Variants in PDE4D observed in about 807,000 individuals in gnomAD.
PDE4D encodes the protein 3',5'-cyclic-AMP phosphodiesterase 4D.
In PDE4D, 24 loss-of-function variants were observed where a neutral mutation model predicts 87.4. That is an observed-to-expected ratio of 0.27 (90% CI 0.20 to 0.39). PDE4D has a LOEUF of 0.39. PDE4D is among the 10% of genes least tolerant of loss of function. PDE4D has a pLI of 1.00. For synonymous variants in PDE4D, 384 were observed against 383.2 expected (o/e 1.00, Z -0.02); for missense variants, 714 against 1,041.0 (o/e 0.69, Z 4.32).
intron 1 of PDE4D, among the ~76,000 whole-genome samples, chr5:59,254,606 TTTC>T (rs1198301004): frequency 2.0e-5 from 3 of 151,996 alleles, no homozygotes; most frequent in African/African-American, 4.8e-5. Context: ...GGAAAATACA[TTTC>T]TTCTTCTTCT....
chr5:59,107,294 C>T (rs753825577), intron 5 of PDE4D, among the ~76,000 whole-genome samples: 3 of 152,120 alleles, frequency 2.0e-5, no homozygotes, highest in Non-Finnish European at 2.9e-5. Context: ...TCGCAACATC[C>T]GCCTCCCAGG....
chr5:60,379,487 G>C lies in PDE4D; in HGVS notation c.-90+108455C>G, dbSNP rs923451283. ...CTTGGGAAGTGCAAAGCAGCTCTGA[G>C]GACCCAATCTCATGAAGCTGTCCTC... On this transcript the variant is annotated intron_variant, in intron 1 of 16. Coordinates refer to the PDE4D transcript ENST00000502484. 3.3e-5 allele frequency among the ~76,000 whole-genome samples: 5 copies of C among 152,292 alleles called. No individual in the cohort carries two copies. In the South Asian group the frequency reaches 1.0e-3, roughly 32 times the overall value.
In PDE4D at chr5:60,343,413, A is replaced by G. The variant is rs2032758014; in HGVS notation, c.-90+144529T>C. On this transcript the variant is annotated intron_variant, in intron 1 of 16. Transcript: ENST00000502484. ...ACCTGTAAAGTACATTCACAAAGAG[A>G]TGTTGCTACTCTGCAAATGGCACCA... Among the ~76,000 whole-genome samples the G allele has an allele frequency of 3.3e-5, 5 of 152,188 alleles. No individual in the cohort carries two copies. The South Asian group carries it at 1.0e-3, about 31-fold the overall frequency.
chr5:59,116,896 A>T (rs992980206), intron 5 of PDE4D, among the ~76,000 whole-genome samples: 1 of 152,262 alleles, frequency 6.6e-6, no homozygotes, highest in South Asian at 2.1e-4. Flanking sequence ...GTTTTTAAAA[A>T]GTTTCAAGAA....
chr5:60,127,690 G>A, intron 2 of PDE4D: 4 of 573,496 alleles, frequency 7.0e-6, no homozygotes, highest in Non-Finnish European at 1.2e-5. Flanking sequence ...GGCTGTGAGG[G>A]GAAAACAGAA....
chr5:60,208,970 T>C (rs188913682), intron 1 of PDE4D, among the ~76,000 whole-genome samples: 1 of 152,052 alleles, frequency 6.6e-6, no homozygotes, highest in Admixed American at 6.5e-5. Flanking sequence ...CATGAAAAGG[T>C]GAAGGAAAAA....
At chr5:59,798,254 C>CTGTGTGTGTGTGTGTGTG (rs72009917) in intron 1 of PDE4D, among the ~76,000 whole-genome samples, 1 of 143,850 alleles carries the variant, frequency 7.0e-6, no homozygotes, top group Non-Finnish European at 1.5e-5. Context: ...ATATAAATGC[C>CTGTGTGTGTGTGTGTGTG]TGTGTGTGTG....
intron 5 of PDE4D, among the ~76,000 whole-genome samples, chr5:59,062,197 A>G (rs1763229651): frequency 6.6e-6 from 1 of 152,170 alleles, no homozygotes; most frequent in Non-Finnish European, 1.5e-5. Context: ...GCTAGCTATA[A>G]TAGCATGGAT....
At chr5:59,034,599 C>T (rs1041530764) in intron 6 of PDE4D, among the ~76,000 whole-genome samples, 1 of 152,086 alleles carries the variant, frequency 6.6e-6, no homozygotes, top group Non-Finnish European at 1.5e-5. Flanking sequence ...GGGGAGCAGC[C>T]AGAGAAAGCT....
chr5:60,019,319 T>C (rs1402186410), intron 2 of PDE4D, among the ~76,000 whole-genome samples: 1 of 152,198 alleles, frequency 6.6e-6, no homozygotes, highest in South Asian at 2.1e-4. Context: ...ATTTTTGAAA[T>C]GCTAAATGAG....
At chr5:59,135,352 T>G (rs1776888575) in intron 5 of PDE4D, among the ~76,000 whole-genome samples, 1 of 152,236 alleles carries the variant, frequency 6.6e-6, no homozygotes, top group Non-Finnish European at 1.5e-5. Context: ...TCTAGGAAAT[T>G]TTTAACCTTT....
intron 1 of PDE4D, among the ~76,000 whole-genome samples, chr5:60,187,149 A>C (rs1009728883): frequency 1.3e-5 from 2 of 152,214 alleles, no homozygotes; most frequent in Non-Finnish European, 2.9e-5. Flanking sequence ...AGAAAAATGC[A>C]CAATCAAATG....
intron 1 of PDE4D, among the ~76,000 whole-genome samples, chr5:60,321,723 G>C (rs1489538202): frequency 1.3e-5 from 2 of 152,024 alleles, no homozygotes; most frequent in Admixed American, 6.6e-5. Context: ...CCATCACAAA[G>C]TGAGCAAAGG....
At chr5:59,431,429 A>AAAAT (rs1293161175) in intron 1 of PDE4D, among the ~76,000 whole-genome samples, 3 of 151,986 alleles carry the variant, frequency 2.0e-5, no homozygotes, top group Non-Finnish European at 2.9e-5. Flanking sequence ...TTTATTTTGA[A>AAAAT]AAATTATTTC....
chr5:59,127,031 C>T (rs1022532580), intron 5 of PDE4D, among the ~76,000 whole-genome samples: 2 of 152,186 alleles, frequency 1.3e-5, no homozygotes. Context: ...AGACATTTTC[C>T]AGTCCAGGTA....
At chr5:59,678,121 A>G (rs572749657) in intron 1 of PDE4D, among the ~76,000 whole-genome samples, 1 of 152,116 alleles carries the variant, frequency 6.6e-6, no homozygotes, top group East Asian at 1.9e-4. Flanking sequence ...AATACCTTAA[A>G]CTCAGTCTCA....
intron 1 of PDE4D, among the ~76,000 whole-genome samples, chr5:59,832,807 CTA>C (rs1741450832): frequency 6.6e-6 from 1 of 152,032 alleles, no homozygotes; most frequent in African/African-American, 2.4e-5. Flanking sequence ...CTCTGTGTGT[CTA>C]TGTCTTCACT....
chr5:59,040,423 C>G (rs1278028683), intron 5 of PDE4D, among the ~76,000 whole-genome samples: 2 of 152,234 alleles, frequency 1.3e-5, no homozygotes, highest in African/African-American at 4.8e-5. Context: ...GCATACTACT[C>G]CTTTCCCCTG....
intron 1 of PDE4D, among the ~76,000 whole-genome samples, chr5:60,511,035 C>T (rs986123205): frequency 2.6e-5 from 4 of 151,964 alleles, no homozygotes; most frequent in African/African-American, 4.8e-5. Flanking sequence ...AGTGCAGTGG[C>T]GAGTTCTTAC....
Sources: allele counts gnomAD v4.1 joint callset (sites outside exome capture counted in the v4.1 genomes callset), GRCh38; gene constraint gnomAD v4.1.1; transcripts MANE v1.5; gene names NCBI Gene and HGNC (gene_info 2026-07-23, HGNC 2026-07-21).